CCDC148: variants seen among roughly 807,000 people sequenced by gnomAD.
CCDC148 encodes the protein coiled-coil domain-containing protein 148.
CCDC148 carries 89 observed loss-of-function variants against 85.7 expected under a neutral mutation model. The ratio of observed to expected loss-of-function variants is 1.04; its 90% CI spans 0.87 to 1.24. CCDC148 has a LOEUF of 1.24. Ranked by LOEUF, CCDC148 falls within the 50% of genes most tolerant of loss-of-function variation. CCDC148 has a pLI of 0.00. For synonymous variants in CCDC148, 230 were observed against 213.9 expected (o/e 1.08, Z -0.66); for missense variants, 692 against 671.7 (o/e 1.03, Z -0.33).
chr2:158,397,359 T>G (rs965376595), intron 1 of CCDC148, among the ~76,000 whole-genome samples: 3 of 151,764 alleles, frequency 2.0e-5, no homozygotes, highest in African/African-American at 7.3e-5. Flanking sequence ...AAGGAAAAAA[T>G]GTTAAGGGCA....
At chr2:158,220,825 C>T (rs780649695) in intron 10 of CCDC148, 112 bp from the exon 11 acceptor site, 3 of 771,122 alleles carry the variant, frequency 3.9e-6, no homozygotes, top group East Asian at 2.9e-5. Flanking sequence ...TTAAAGGGCA[C>T]TTCATCTTTT....
chr2:158,243,309 T>C (rs977433453), intron 10 of CCDC148, among the ~76,000 whole-genome samples: 6 of 152,114 alleles, frequency 3.9e-5, no homozygotes, highest in African/African-American at 1.4e-4. Flanking sequence ...GGCACTTGCA[T>C]TTGAGTCGTT....
intron 3 of CCDC148, among the ~76,000 whole-genome samples, chr2:158,342,651 T>C (rs988628292): frequency 6.6e-6 from 1 of 152,202 alleles, no homozygotes; most frequent in Non-Finnish European, 1.5e-5. Flanking sequence ...ACTTAGAACT[T>C]TGGCACCTTT....
chr2:158,257,356 G>A (rs2105148156), intron 9 of CCDC148, among the ~76,000 whole-genome samples: 1 of 151,944 alleles, frequency 6.6e-6, no homozygotes, highest in East Asian at 1.9e-4. Flanking sequence ...ATTCAGTTCA[G>A]CTGAGTAAAC....
chr2:158,216,451 C>T (rs1284507112), intron 11 of CCDC148, among the ~76,000 whole-genome samples: 2 of 123,366 alleles, frequency 1.6e-5, no homozygotes, highest in Non-Finnish European at 3.1e-5. Context: ...GGCTGCAGTG[C>T]AGTGGCATGA....
chr2:158,243,523 C>T lies in CCDC148; in HGVS notation c.1251+7249G>A, dbSNP rs528897895. ...TACCACAATCTTTTTGAAATAATCT[C>T]GTCTCTCTCGGTCTCCTGCCGAGAT... On this transcript the variant is annotated intron_variant, in intron 10 of 13. Transcript: ENST00000283233. Among the ~76,000 whole-genome samples, 4 of 152,232 alleles carry T rather than the reference C, an allele frequency of 2.6e-5. No homozygotes were observed. In the East Asian group the frequency reaches 5.8e-4, roughly 22 times the overall value.
chr2:158,308,385 C>T (rs1691799144), intron 9 of CCDC148, among the ~76,000 whole-genome samples: 1 of 152,220 alleles, frequency 6.6e-6, no homozygotes, highest in Non-Finnish European at 1.5e-5. Flanking sequence ...TGTATTAGCC[C>T]TGCAGCCCAT....
intron 9 of CCDC148, among the ~76,000 whole-genome samples, chr2:158,304,561 G>A (rs756158645): frequency 1.3e-5 from 2 of 152,142 alleles, no homozygotes; most frequent in African/African-American, 4.8e-5. Flanking sequence ...TTTGACAATG[G>A]CCCTTTACCA....
chr2:158,329,960 C>A lies in CCDC148; in HGVS notation c.764+8766G>T, dbSNP rs182367606. Among the ~76,000 whole-genome samples, 496 of 152,304 alleles carry A rather than the reference C, an allele frequency of 3.3e-3. 24 individuals carry two copies. The East Asian group carries it at 0.084, about 26-fold the overall frequency. ...AAAATATGTCATCTGCAAACAGGGA[C>A]AATTTGACTTCCTCTTTTCCTAATT... is the stretch of plus-strand genomic sequence containing the variant. On this transcript the variant is annotated intron_variant, in intron 7 of 13. Coordinates refer to ENST00000283233, the MANE Select transcript of CCDC148 (RefSeq NM_138803.4).
chr2:158,213,548 C>A (rs1262459356), intron 11 of CCDC148, among the ~76,000 whole-genome samples: 1 of 152,146 alleles, frequency 6.6e-6, no homozygotes, highest in Non-Finnish European at 1.5e-5. Context: ...TTGTAATAAG[C>A]ATTTTCAAAA....
chr2:158,193,713 A>T (rs1191416797), intron 11 of CCDC148, among the ~76,000 whole-genome samples: 1 of 152,126 alleles, frequency 6.6e-6, no homozygotes, highest in African/African-American at 2.4e-5. Flanking sequence ...ATGCAAGAAC[A>T]TTGGAGTATA....
rs149716149 is a variant in CCDC148, at chr2:158,200,237, T to C, written c.1370+20358A>G. 9.2e-5 allele frequency among the ~76,000 whole-genome samples: 14 copies of C among 152,344 alleles called. No individual in the cohort carries two copies. The East Asian group carries it at 2.5e-3, about 27-fold the overall frequency. On this transcript the variant is annotated intron_variant, in intron 11 of 13. Coordinates refer to ENST00000283233, the MANE Select transcript of CCDC148 (RefSeq NM_138803.4). The stretch of plus-strand genomic sequence containing the variant: ...AACAGACCCATTTTTTCCCATGATA[T>C]TAAGTTTTCTGAAGCACTTAAGGAA...
At chr2:158,269,830 C>T (rs1689623191) in intron 9 of CCDC148, among the ~76,000 whole-genome samples, 1 of 152,194 alleles carries the variant, frequency 6.6e-6, no homozygotes. Flanking sequence ...ATTACCTGCA[C>T]ATAAGCCCTT....
chr2:158,391,307 T>C (rs569566159), intron 1 of CCDC148, among the ~76,000 whole-genome samples: 1 of 152,268 alleles, frequency 6.6e-6, no homozygotes, highest in Admixed American at 6.5e-5. Flanking sequence ...AACATTTAAT[T>C]AAAAGGTCAA....
intron 11 of CCDC148, among the ~76,000 whole-genome samples, chr2:158,215,787 T>G (rs1686819108): frequency 6.6e-6 from 1 of 152,126 alleles, no homozygotes; most frequent in African/African-American, 2.4e-5. Context: ...AAAATTCATA[T>G]GTTGAGGGCC....
intron 1 of CCDC148, among the ~76,000 whole-genome samples, chr2:158,414,527 C>T (rs765919357): frequency 5.9e-5 from 9 of 151,978 alleles, no homozygotes; most frequent in African/African-American, 1.9e-4. Flanking sequence ...CACACGTATA[C>T]ATATGTAACA....
At chr2:158,312,599 C>CAAAAAAAAAAA (rs1182789527) in intron 8 of CCDC148, among the ~76,000 whole-genome samples, 1 of 135,476 alleles carries the variant, frequency 7.4e-6, no homozygotes, top group Admixed American at 7.9e-5. Context: ...AAAAAAAAAC[C>CAAAAAAAAAAA]AAAAAACAAA....
chr2:158,423,904 G>A (rs1469224504), intron 1 of CCDC148, among the ~76,000 whole-genome samples: 1 of 152,084 alleles, frequency 6.6e-6, no homozygotes, highest in Non-Finnish European at 1.5e-5. Flanking sequence ...AAAAGTGGGT[G>A]AAGGATATGA....
intron 1 of CCDC148, among the ~76,000 whole-genome samples, chr2:158,382,371 AAGTG>A (rs1684907809): frequency 6.6e-6 from 1 of 152,178 alleles, no homozygotes; most frequent in East Asian, 1.9e-4. Flanking sequence ...CTGAGAGGGA[AAGTG>A]AGTATTGAAA....
Sources: allele counts gnomAD v4.1 joint callset (sites outside exome capture counted in the v4.1 genomes callset), GRCh38; gene constraint gnomAD v4.1.1; transcripts MANE v1.5; gene names NCBI Gene and HGNC (gene_info 2026-07-23, HGNC 2026-07-21).